The following ZMYND11 variants were observed in gnomAD, a reference collection of about 807,000 sequenced individuals.
ZMYND11 encodes zinc finger MYND domain-containing protein 11.
Under a neutral mutation model 84.9 loss-of-function variants are expected in ZMYND11, and 9 were observed. The observed-to-expected ratio is 0.11, with a 90% CI of 0.06 to 0.18. ZMYND11 has a LOEUF of 0.18. Ranked by LOEUF, ZMYND11 falls within the 10% of genes least tolerant of loss-of-function variation. ZMYND11 has a pLI of 1.00. For synonymous variants in ZMYND11, 250 were observed against 244.1 expected, an observed-to-expected ratio of 1.02 and a Z score of -0.23; for missense variants, 409 against 761.0, an observed-to-expected ratio of 0.54 and a Z score of 5.44.
chr10:160,590 A>G (rs2131479214), intron 1 of ZMYND11, among the ~76,000 whole-genome samples: 1 of 152,306 alleles, frequency 6.6e-6, no homozygotes, highest in South Asian at 2.1e-4. Flanking sequence ...ACCTCTTTTC[A>G]AAATTGGAGT....
intron 3 of ZMYND11, among the ~76,000 whole-genome samples, chr10:212,356 A>G (rs910803212): frequency 5.3e-5 from 8 of 152,142 alleles, no homozygotes; most frequent in African/African-American, 1.9e-4. Flanking sequence ...CATATAGTAT[A>G]CAGGTTTAAT....
At chr10:215,596 C>T (rs1422295354) in intron 3 of ZMYND11, among the ~76,000 whole-genome samples, 2 of 149,420 alleles carry the variant, frequency 1.3e-5, no homozygotes, top group East Asian at 2.0e-4. Flanking sequence ...CTCCCTTTGT[C>T]ACCCAGCCTG....
chr10:143,362 A>G (rs891679905), intron 1 of ZMYND11, among the ~76,000 whole-genome samples: 3 of 152,194 alleles, frequency 2.0e-5, no homozygotes, highest in African/African-American at 7.2e-5. Flanking sequence ...TTTCTCTTGT[A>G]GATTCTTGAT....
rs80174978 is a variant in ZMYND11, at chr10:161,377, G to A, written c.-19-18617G>A. On this transcript the variant is annotated intron_variant, in intron 1 of 14. Coordinates refer to ENST00000381604, the MANE Select transcript of ZMYND11 (RefSeq NM_001370100.5). ...CTTTGTTGCTCCATCTACACAACAC[G>A]GGCAGAGTAGATATAGCATAATTCT... 2.9e-4 allele frequency among the ~76,000 whole-genome samples: 44 copies of A among 152,260 alleles called. No individual in the cohort carries two copies. The East Asian group carries it at 6.8e-3, about 23-fold the overall frequency.
chr10:236,843 TAAG>T lies in ZMYND11; in HGVS notation c.453_455del (p.Lys151del), dbSNP rs755249307. ...TATTCTTTTTTTTTCAATAGAGCAT[TAAG>T]AAGAAGAATACAAACAAACAGGAGA... On this transcript the variant is annotated inframe_deletion, in exon 5 of 15. Transcript: ENST00000381604. 155 of 1,612,152 alleles carry T rather than the reference TAAG, an allele frequency of 9.6e-5. No homozygotes were observed. Among genetic ancestry groups the T allele is most frequent in the Non-Finnish European group, 1.2e-4 (143 of 1,179,068 alleles).
chr10:248,726 C>A (rs1247416445), intron 13 of ZMYND11, 118 bp downstream of exon 13: 13 of 1,400,512 alleles, frequency 9.3e-6, no homozygotes, highest in Non-Finnish European at 1.1e-5. Context: ...TATAATGACA[C>A]CAGTATCTTT....
chr10:138,234 C>G (rs1366140210), intron 1 of ZMYND11, among the ~76,000 whole-genome samples: 2 of 145,512 alleles, frequency 1.4e-5, no homozygotes, highest in Non-Finnish European at 3.0e-5. Context: ...CTCAGCCTCC[C>G]GGGTAGCTCG....
intron 4 of ZMYND11, among the ~76,000 whole-genome samples, chr10:227,324 A>G (rs1948303852): frequency 1.3e-5 from 2 of 152,294 alleles, no homozygotes; most frequent in South Asian, 4.1e-4. Flanking sequence ...GTTTTGCAGG[A>G]AAGTTAAGAC....
intron 4 of ZMYND11, among the ~76,000 whole-genome samples, chr10:233,449 G>T (rs1215087182): frequency 6.6e-6 from 1 of 152,196 alleles, no homozygotes; most frequent in Non-Finnish European, 1.5e-5. Flanking sequence ...AGAAGTAGAT[G>T]TTGATGTTTC....
chr10:235,832 ATG>A (rs1248697352), intron 4 of ZMYND11, among the ~76,000 whole-genome samples: 2 of 152,222 alleles, frequency 1.3e-5, no homozygotes, highest in Non-Finnish European at 2.9e-5. Context: ...CACTAATAAA[ATG>A]TGTTTCCACT....
chr10:149,859 G>C (rs1554756480), intron 1 of ZMYND11, among the ~76,000 whole-genome samples: 1 of 152,110 alleles, frequency 6.6e-6, no homozygotes, highest in Admixed American at 6.5e-5. Flanking sequence ...ATGGAACCCT[G>C]CTCCTCAGAT....
At chr10:240,752 T>TAAAATTTAGGCTTAAAAGA in intron 8 of ZMYND11, 141 bp from the exon 9 acceptor site, 1 of 676,196 alleles carries the variant, frequency 1.5e-6, no homozygotes, top group Non-Finnish European at 2.4e-6. Flanking sequence ...TTGAAAACTT[T>TAAAATTTAGGCTTAAAAGA]AAAATTTAGG....
chr10:231,874 C>T (rs1249320728), intron 4 of ZMYND11, among the ~76,000 whole-genome samples: 1 of 152,212 alleles, frequency 6.6e-6, no homozygotes, highest in Non-Finnish European at 1.5e-5. Context: ...CTTTTAAATA[C>T]AACAACTTTG....
At chr10:217,667 TAAC>T (rs967899840) in intron 3 of ZMYND11, among the ~76,000 whole-genome samples, 3 of 152,138 alleles carry the variant, frequency 2.0e-5, no homozygotes, top group Admixed American at 1.3e-4. Flanking sequence ...TAGATAATAA[TAAC>T]AACACTTCCT....
chr10:182,826 T>C (rs1356280481), intron 2 of ZMYND11, among the ~76,000 whole-genome samples: 1 of 152,208 alleles, frequency 6.6e-6, no homozygotes, highest in Non-Finnish European at 1.5e-5. Context: ...GTCAGATCTT[T>C]TGCTCTAAAG....
intron 2 of ZMYND11, chr10:198,154 C>A: frequency 2.6e-6 from 1 of 378,680 alleles, no homozygotes; most frequent in Non-Finnish European, 4.7e-6. Flanking sequence ...TAAAATGGAA[C>A]CAAAGTTAAT....
chr10:190,687 C>T (rs1392354022), intron 2 of ZMYND11, among the ~76,000 whole-genome samples: 5 of 152,170 alleles, frequency 3.3e-5, no homozygotes, highest in Non-Finnish European at 5.9e-5. Flanking sequence ...TCTTTTCATA[C>T]CCAGCGTCTC....
chr10:150,707 G>A (rs1033459695), intron 1 of ZMYND11, among the ~76,000 whole-genome samples: 3 of 152,184 alleles, frequency 2.0e-5, no homozygotes, highest in African/African-American at 7.2e-5. Context: ...ACACTTAAAT[G>A]TCCCTGTCTG....
intron 2 of ZMYND11, among the ~76,000 whole-genome samples, chr10:209,316 A>G (rs1944759530): frequency 6.6e-6 from 1 of 152,162 alleles, no homozygotes; most frequent in African/African-American, 2.4e-5. Context: ...TGCGTGCTTC[A>G]GTGACTCAAA....
Sources: gnomAD v4.1 joint callset for allele counts (sites outside exome capture counted in the v4.1 genomes callset) on GRCh38, gnomAD v4.1.1 for gene constraint, MANE v1.5 for transcripts, NCBI Gene and HGNC (gene_info 2026-07-23, HGNC 2026-07-21) for gene names.